GATAD2A: variants seen among roughly 807,000 people sequenced by gnomAD.
GATAD2A encodes the protein GATA zinc finger domain containing 2A.
GATAD2A carries 12 observed loss-of-function variants against 68.5 expected under a neutral mutation model. That is an observed-to-expected ratio of 0.18 (90% CI 0.11 to 0.28). The LOEUF is 0.28. Among genes scored for constraint, GATAD2A ranks in the 10% least tolerant of loss-of-function variants. The pLI is 1.00. For synonymous variants in GATAD2A, 410 were observed against 375.3 expected, an observed-to-expected ratio of 1.09 and a Z score of -1.07; for missense variants, 755 against 868.5, an observed-to-expected ratio of 0.87 and a Z score of 1.64.
intron 1 of GATAD2A, among the ~76,000 whole-genome samples, chr19:19,414,274 T>C (rs1010352969): frequency 6.6e-6 from 1 of 152,178 alleles, no homozygotes; most frequent in East Asian, 1.9e-4. Context: ...CCTGGGACTT[T>C]CTTCTGTGTA....
intron 1 of GATAD2A, among the ~76,000 whole-genome samples, chr19:19,447,751 G>C (rs1162096846): frequency 6.6e-6 from 1 of 152,258 alleles, no homozygotes; most frequent in Non-Finnish European, 1.5e-5. Context: ...GCTTGAGGAA[G>C]GGCGCCTGGG....
intron 1 of GATAD2A, among the ~76,000 whole-genome samples, chr19:19,431,422 G>T (rs184004723): frequency 6.6e-6 from 1 of 151,320 alleles, no homozygotes; most frequent in African/African-American, 2.4e-5. Context: ...GCGGCTGGGC[G>T]CGGTGGCTCA....
At chr19:19,471,957 G>A (rs1160212750) in intron 2 of GATAD2A, among the ~76,000 whole-genome samples, 1 of 152,236 alleles carries the variant, frequency 6.6e-6, no homozygotes, top group Non-Finnish European at 1.5e-5. Flanking sequence ...GTGCAGTGGT[G>A]CAGTCGTAGC....
chr19:19,489,160 G>A (rs2059624886), intron 2 of GATAD2A, among the ~76,000 whole-genome samples: 1 of 152,194 alleles, frequency 6.6e-6, no homozygotes, highest in Non-Finnish European at 1.5e-5. Context: ...TAGAAACTTA[G>A]AGGGGCCAGT....
At chr19:19,409,205 C>T (rs2050637676) in intron 1 of GATAD2A, among the ~76,000 whole-genome samples, 1 of 152,090 alleles carries the variant, frequency 6.6e-6, no homozygotes, top group Non-Finnish European at 1.5e-5. Context: ...TTCTGGAGAA[C>T]TACCTGCTTG....
intron 1 of GATAD2A, among the ~76,000 whole-genome samples, chr19:19,463,444 C>T (rs896041845): frequency 2.7e-4 from 41 of 152,176 alleles, no homozygotes; most frequent in African/African-American, 9.7e-4. Context: ...GAGGCCATGA[C>T]CTCCACATTC....
intron 8 of GATAD2A, 62 bp from the exon 9 acceptor site, chr19:19,501,056 C>T (rs575396344): frequency 6.3e-5 from 91 of 1,447,280 alleles, no homozygotes; most frequent in Non-Finnish European, 8.0e-5. Context: ...GGGCTGGGGG[C>T]GGCCAGGGCC....
chr19:19,420,332 T>TTG (rs1249056115), intron 1 of GATAD2A, among the ~76,000 whole-genome samples: 1 of 77,436 alleles, frequency 1.3e-5, no homozygotes, highest in Non-Finnish European at 2.7e-5. Flanking sequence ...CCATCTTGAC[T>TTG]TTTTTTTTTT....
chr19:19,459,309 C>G (rs913790535), intron 1 of GATAD2A, among the ~76,000 whole-genome samples: 1 of 151,880 alleles, frequency 6.6e-6, no homozygotes, highest in African/African-American at 2.4e-5. Flanking sequence ...TGATTTTGGT[C>G]CAGTTCCTTT....
At chr19:19,475,469 G>A (rs1217077078) in intron 2 of GATAD2A, among the ~76,000 whole-genome samples, 1 of 99,292 alleles carries the variant, frequency 1.0e-5, no homozygotes, top group Admixed American at 1.2e-4. Context: ...TACTCTGTGG[G>A]CGGCTCTCTG....
At chr19:19,467,332 C>T (rs1037321511) in intron 2 of GATAD2A, among the ~76,000 whole-genome samples, 13 of 152,224 alleles carry the variant, frequency 8.5e-5, no homozygotes, top group East Asian at 1.9e-4. Flanking sequence ...GCCGAGATCG[C>T]GCCACTGTAC....
At chr19:19,444,872 TAAAAA>T (rs10641522) in intron 1 of GATAD2A, among the ~76,000 whole-genome samples, 36 of 123,192 alleles carry the variant, frequency 2.9e-4, no homozygotes, top group Non-Finnish European at 5.3e-4. Flanking sequence ...CCTCGTCCCT[TAAAAA>T]AAAAAAAAAA....
chr19:19,390,938 C>G (rs1050844494), intron 1 of GATAD2A, among the ~76,000 whole-genome samples: 6 of 152,100 alleles, frequency 3.9e-5, no homozygotes, highest in African/African-American at 1.4e-4. Context: ...CAGTGTGTGG[C>G]TTAGTGCCCA....
At chr19:19,442,335 T>G (rs1034541295) in intron 1 of GATAD2A, among the ~76,000 whole-genome samples, 3 of 151,556 alleles carry the variant, frequency 2.0e-5, no homozygotes, top group African/African-American at 7.3e-5. Context: ...GTGTTAAAAA[T>G]CCAAGGCTGG....
At chr19:19,406,254 G>GGGGA (rs2050231176) in intron 1 of GATAD2A, among the ~76,000 whole-genome samples, 1 of 127,772 alleles carries the variant, frequency 7.8e-6, no homozygotes, top group South Asian at 2.6e-4. Flanking sequence ...CCGGGCGGGG[G>GGGGA]TCCCGGAAAG....
At chr19:19,453,068 A>G (rs930689458) in intron 1 of GATAD2A, among the ~76,000 whole-genome samples, 23 of 152,080 alleles carry the variant, frequency 1.5e-4, no homozygotes, top group African/African-American at 3.6e-4. Flanking sequence ...TCCTCCAGCA[A>G]TCAGCCTCAG....
chr19:19,435,229 GGTT>G, intron 1 of GATAD2A: 1 of 466,488 alleles, frequency 2.1e-6, no homozygotes, highest in East Asian at 6.1e-5. Context: ...TAGGTTTCTG[GGTT>G]GTTTTTTGAG....
intron 2 of GATAD2A, among the ~76,000 whole-genome samples, chr19:19,469,752 C>T (rs1438547453): frequency 2.6e-5 from 4 of 151,992 alleles, no homozygotes; most frequent in Non-Finnish European, 5.9e-5. Flanking sequence ...TGATAGCAGC[C>T]CCTGGCCAAT....
At chr19:19,394,434 C>T (rs368589190) in intron 1 of GATAD2A, among the ~76,000 whole-genome samples, 13 of 150,016 alleles carry the variant, frequency 8.7e-5, no homozygotes, top group East Asian at 2.0e-4. Flanking sequence ...TCCCTCTGCC[C>T]GGGCTTTCCT....
Sources: allele counts gnomAD v4.1 joint callset (sites outside exome capture counted in the v4.1 genomes callset), GRCh38; gene constraint gnomAD v4.1.1; transcripts MANE v1.5; gene names NCBI Gene and HGNC (gene_info 2026-07-23, HGNC 2026-07-21).